Variants in TECR observed in about 807,000 individuals in gnomAD.
TECR encodes trans-2,3-enoyl-CoA reductase, also known as very-long-chain enoyl-CoA reductase.
In TECR, 19 loss-of-function variants were observed where a neutral mutation model predicts 50.6. The ratio of observed to expected loss-of-function variants is 0.38; its 90% confidence interval spans 0.26 to 0.55. TECR has a LOEUF of 0.55. TECR is among the 20% of genes least tolerant of loss of function. TECR has a pLI of 0.79. For missense variants in TECR, 313 were observed against 408.3 expected, an observed-to-expected ratio of 0.77 and a Z score of 2.01; for synonymous variants, 168 against 163.5, an observed-to-expected ratio of 1.03 and a Z score of -0.21.
intron 1 of TECR, among the ~76,000 whole-genome samples, chr19:14,553,591 G>A (rs2073613635): frequency 6.6e-6 from 1 of 152,152 alleles, no homozygotes; most frequent in Admixed American, 6.5e-5. Context: ...CAGCCATCCT[G>A]GCATTAGCAG....
upstream of TECR, among the ~76,000 whole-genome samples, chr19:14,528,525 A>G (rs2146538775): frequency 6.6e-6 from 1 of 151,992 alleles, no homozygotes; most frequent in East Asian, 1.9e-4. Context: ...GGTGTGAGCC[A>G]TCGTTCCCGG....
intron 1 of TECR, among the ~76,000 whole-genome samples, chr19:14,534,421 G>A (rs1320033735): frequency 1.2e-4 from 14 of 117,952 alleles, no homozygotes; most frequent in Non-Finnish European, 2.2e-4. Context: ...ACCATGCCTG[G>A]CCTTTTTTTT....
chr19:14,539,622 G>T (rs1328139044), intron 1 of TECR, among the ~76,000 whole-genome samples: 1 of 152,018 alleles, frequency 6.6e-6, no homozygotes, highest in African/African-American at 2.4e-5. Flanking sequence ...GCTTTCCTCA[G>T]TTGTTACTAT....
rs76769489 is a variant in TECR at position 14,546,941 on chromosome 19, C to T, written c.16-15584C>T. On this transcript the variant is annotated intron_variant, in intron 1 of 12. Transcript: ENST00000215567. ...CTGACCTCAAGTGATCTGATCTGCC[C>T]GCCTTGGCCTCCCAAAGTGCTGGGA... Among the ~76,000 whole-genome samples the T allele has an allele frequency of 1.2e-3, 185 of 152,270 alleles. 1 individual carries two copies. Among genetic ancestry groups the T allele is most frequent in the African/African-American group, 3.9e-3 (164 of 41,552 alleles).
intron 1 of TECR, among the ~76,000 whole-genome samples, chr19:14,537,022 TGTCGAGGAGGGGGAGGCGG>T (rs1365545070): frequency 1.9e-5 from 1 of 53,176 alleles, no homozygotes; most frequent in Non-Finnish European, 3.8e-5. Context: ...CGGGGAGGGG[TGTCGAGGAGGGGGAGGCGG>T]GTCCCAAGGA....
At chr19:14,540,635 A>C (rs1052494231) in intron 1 of TECR, among the ~76,000 whole-genome samples, 3 of 151,386 alleles carry the variant, frequency 2.0e-5, no homozygotes, top group Non-Finnish European at 4.4e-5. Flanking sequence ...CAAGTGATCC[A>C]CCTGCCTGGG....
chr19:14,542,347 G>GTTTTTTTGTTTTTTTT (rs2073126059), intron 1 of TECR, among the ~76,000 whole-genome samples: 1 of 43,282 alleles, frequency 2.3e-5, no homozygotes, highest in African/African-American at 8.1e-5. Context: ...ATGCCATAGT[G>GTTTTTTTGTTTTTTTT]TTTTTTTTTT....
intron 1 of TECR, among the ~76,000 whole-genome samples, chr19:14,550,091 C>T (rs112770094): frequency 2.6e-5 from 4 of 152,022 alleles, no homozygotes; most frequent in African/African-American, 9.7e-5. Context: ...TCTTTCTTTG[C>T]CAAGATGTGA....
At chr19:14,554,715 C>T (rs1364954696) in intron 1 of TECR, among the ~76,000 whole-genome samples, 1 of 152,122 alleles carries the variant, frequency 6.6e-6, no homozygotes, top group African/African-American at 2.4e-5. Flanking sequence ...CACACCCACT[C>T]CACTCTCAGG....
In TECR at chr19:14,563,076, C is replaced by A; in HGVS notation, c.67-130C>A. 1 of 1,196,058 alleles carries A rather than the reference C, an allele frequency of 8.4e-7. No individual in the cohort carries two copies. The highest frequency in any genetic ancestry group is 1.2e-6 in the Non-Finnish European group (1 of 833,428). The allele number at this position is 1,196,058 out of a possible 1,614,324, so 74.1% of individuals were successfully genotyped here. ...TCCTTCCCTGACTGCAGGCAGAGGC[C>A]TGGACCCCAGCCCTTCCCCCTTCCC... On this transcript the variant is annotated intron_variant, in intron 2 of 12. Transcript: ENST00000215567. The surrounding 1 kb of genome is among the most constrained non-coding windows in gnomAD (Gnocchi z 5.3).
chr19:14,564,107 G>T lies in TECR; in HGVS notation c.383+10G>T, dbSNP rs561962853. 6.2e-7 allele frequency: 1 copy of T among 1,610,116 alleles called. No individual in the cohort carries two copies. Among genetic ancestry groups the T allele is most frequent in the East Asian group, 2.2e-5 (1 of 44,846 alleles). On this transcript the variant is annotated intron_variant, in intron 6 of 12. Transcript: ENST00000215567. ...GGCATACAGTGGTGCAGTAAGTGGGGCAGGTGGGAGGAGGGTAGGGGAAGG... is the reference window on the plus strand; with the variant it reads ...GGCATACAGTGGTGCAGTAAGTGGGTCAGGTGGGAGGAGGGTAGGGGAAGG...
intron 7 of TECR, 103 bp from the exon 8 acceptor site, chr19:14,564,683 G>T: frequency 7.8e-7 from 1 of 1,278,570 alleles, no homozygotes; most frequent in Non-Finnish European, 1.1e-6. Flanking sequence ...GGCCCCTCCT[G>T]TCCTTTCCCA....
intron 7 of TECR, 152 bp from the exon 8 acceptor site, chr19:14,564,634 A>G (rs1219118235): frequency 4.1e-5 from 25 of 613,162 alleles, no homozygotes; most frequent in South Asian, 4.1e-4. Context: ...CCCTAGCCTC[A>G]CCCCTTGGCC....
At chr19:14,561,849 C>T (rs1342696181) in intron 1 of TECR, 1 of 156,336 alleles carries the variant, frequency 6.4e-6, no homozygotes, top group Non-Finnish European at 1.4e-5. Context: ...AATGGATGAT[C>T]TGTCTCGCGG....
chr19:14,550,607 C>T (rs1199344029), intron 1 of TECR, among the ~76,000 whole-genome samples: 1 of 152,128 alleles, frequency 6.6e-6, no homozygotes, highest in East Asian at 1.9e-4. Context: ...GGTCTGGGAC[C>T]TGGGGAGTTG....
intron 1 of TECR, among the ~76,000 whole-genome samples, chr19:14,561,101 G>A (rs1285927298): frequency 6.6e-6 from 1 of 152,142 alleles, no homozygotes; most frequent in South Asian, 2.1e-4. Context: ...TGCAGGAGGG[G>A]TACCCAGCTT....
chr19:14,533,798 GTCT>G (rs1213074904), intron 1 of TECR: 5 of 152,188 alleles, frequency 3.3e-5, no homozygotes, highest in African/African-American at 9.7e-5. Flanking sequence ...GGCTGAAGCC[GTCT>G]TCTTAGAATA....
intron 1 of TECR, among the ~76,000 whole-genome samples, chr19:14,555,738 G>T (rs1482066727): frequency 6.6e-6 from 1 of 152,146 alleles, no homozygotes; most frequent in Non-Finnish European, 1.5e-5. Context: ...ACCATGCGTG[G>T]ACACAGCTAA....
rs71166754 is a variant in TECR at position 14,542,347 on chromosome 19, G to GTTTTTTTTTTTTT, written c.15+12653_15+12665dup. 2.2e-3 allele frequency among the ~76,000 whole-genome samples: 94 copies of GTTTTTTTTTTTTT among 43,300 alleles called. 17 individuals carry two copies. Among genetic ancestry groups the GTTTTTTTTTTTTT allele is most frequent in the Non-Finnish European group, 3.0e-3 (69 of 22,812 alleles). The allele number at this position is 43,300 out of a possible 152,430, so 28.4% of individuals were successfully genotyped here. On this transcript the variant is annotated intron_variant, in intron 1 of 12. Transcript: ENST00000215567. ...CCTCAGGGGGCCCTCATGCCATAGT[G>GTTTTTTTTTTTTT]TTTTTTTTTTTTTTTTTTTTTTTTT...
Sources: gnomAD v4.1 joint callset for allele counts (sites outside exome capture counted in the v4.1 genomes callset) on GRCh38, gnomAD v4.1.1 for gene constraint, Gnocchi (gnomAD v3.1) non-coding constraint, MANE v1.5 for transcripts, NCBI Gene and HGNC (gene_info 2026-07-23, HGNC 2026-07-21) for gene names.